The following SLCO6A1 variants were observed in gnomAD, a reference collection of about 807,000 sequenced individuals.
The protein encoded by SLCO6A1 is cancer/testis antigen 48.
Under a neutral mutation model 72.7 loss-of-function variants are expected in SLCO6A1, and 65 were observed. The ratio of observed to expected loss-of-function variants is 0.89; its 90% CI spans 0.73 to 1.10. The LOEUF (loss-of-function observed/expected upper bound fraction) is 1.10. Ranked by LOEUF, SLCO6A1 falls within the 50% of genes least tolerant of loss-of-function variation. The probability of loss-of-function intolerance (pLI) is 0.00; values close to 1 mark genes in which losing one functional copy is unlikely to be tolerated. For missense variants in SLCO6A1, 874 were observed against 872.6 expected (o/e 1.00, Z -0.02); for synonymous variants, 314 against 298.2 (o/e 1.05, Z -0.55).
At chr5:102,388,234 T>C (rs1370756059) in intron 12 of SLCO6A1, among the ~76,000 whole-genome samples, 1 of 152,202 alleles carries the variant, frequency 6.6e-6, no homozygotes, top group Admixed American at 6.5e-5. Context: ...CATTCTTTAT[T>C]TGGGAACTAT....
intron 9 of SLCO6A1, among the ~76,000 whole-genome samples, chr5:102,402,340 C>T (rs549272879): frequency 6.6e-6 from 1 of 152,182 alleles, no homozygotes; most frequent in South Asian, 2.1e-4. Flanking sequence ...CTAAAATCCT[C>T]AAGGAATGGG....
chr5:102,416,776 C>T (rs527359812), intron 8 of SLCO6A1, among the ~76,000 whole-genome samples: 174 of 152,144 alleles, frequency 1.1e-3, no homozygotes, highest in Non-Finnish European at 1.7e-3. Flanking sequence ...TTTTGCAATC[C>T]GGAATATGCT....
intron 8 of SLCO6A1, among the ~76,000 whole-genome samples, chr5:102,416,340 T>C (rs1324666995): frequency 2.0e-5 from 3 of 151,984 alleles, no homozygotes; most frequent in African/African-American, 7.2e-5. Flanking sequence ...AAAAATGTGA[T>C]ATATAAATAT....
rs1490631356 is a variant in SLCO6A1 at position 102,498,652 on chromosome 5, G to T, written c.193C>A (p.Arg65=). 6.2e-7 allele frequency: 1 copy of T among 1,614,058 alleles called. No homozygotes were observed. Among genetic ancestry groups the T allele is most frequent in the South Asian group, 1.1e-5 (1 of 91,082 alleles). ...GAGGACTTGGCTTTTTTCCTTTTTC[G>T]GAAACCGCCGAACCTTATCAAGGCC... ...PEALIRFGGF[R]KRKKAKSSVS... Residue 65 remains arginine, a synonymous_variant, in exon 1 of 14, where the codon CGA becomes AGA. Transcript: ENST00000506729.
intron 6 of SLCO6A1, among the ~76,000 whole-genome samples, chr5:102,449,948 T>C (rs1019433841): frequency 6.6e-6 from 1 of 152,246 alleles, no homozygotes; most frequent in African/African-American, 2.4e-5. Context: ...AATTATGTCA[T>C]GAAATTCTTG....
At chr5:102,408,745 C>A (rs1414001151) in intron 9 of SLCO6A1, among the ~76,000 whole-genome samples, 1 of 151,774 alleles carries the variant, frequency 6.6e-6, no homozygotes, top group African/African-American at 2.4e-5. Context: ...AAATAAAAGT[C>A]AATATTGATT....
chr5:102,378,706 T>G (rs1012991964), intron 12 of SLCO6A1, among the ~76,000 whole-genome samples: 1 of 152,172 alleles, frequency 6.6e-6, no homozygotes, highest in Non-Finnish European at 1.5e-5. Context: ...GTTCTTTTCA[T>G]TTTCATTGTT....
intron 12 of SLCO6A1, among the ~76,000 whole-genome samples, chr5:102,385,958 C>T (rs1413301514): frequency 6.6e-6 from 1 of 151,650 alleles, no homozygotes; most frequent in Admixed American, 6.6e-5. Flanking sequence ...TACAAATACA[C>T]AACACCACAC....
intron 10 of SLCO6A1, among the ~76,000 whole-genome samples, chr5:102,396,338 G>T (rs1747082269): frequency 6.6e-6 from 1 of 152,092 alleles, no homozygotes; most frequent in African/African-American, 2.4e-5. Flanking sequence ...GTTTGTCAAA[G>T]ATCAGATGGT....
At chr5:102,391,212 C>T in intron 10 of SLCO6A1, 167 bp from the exon 11 acceptor site, 1 of 605,050 alleles carries the variant, frequency 1.7e-6, no homozygotes, top group Non-Finnish European at 2.9e-6. Context: ...CTACAACTCC[C>T]CATTTCTCCA....
rs552649712 is a variant in SLCO6A1, at chr5:102,416,720, C to T, written c.1472+3106G>A. Among the ~76,000 whole-genome samples, 20 of 151,720 alleles carry T rather than the reference C, an allele frequency of 1.3e-4. No individual in the cohort carries two copies. In the South Asian group the frequency reaches 4.2e-3, roughly 32 times the overall value. ...GTAACAAAATTGCAATCATACCCCA[C>T]AAATTTATGTAAATAAAAAATATAT... On this transcript the variant is annotated intron_variant, in intron 8 of 13. Coordinates refer to ENST00000506729, the MANE Select transcript of SLCO6A1 (RefSeq NM_173488.5).
intron 6 of SLCO6A1, among the ~76,000 whole-genome samples, chr5:102,440,205 G>A (rs1165173309): frequency 1.3e-5 from 2 of 152,092 alleles, no homozygotes; most frequent in African/African-American, 4.8e-5. Context: ...TCCAGACTTT[G>A]ATCACTCTAG....
chr5:102,470,397 T>G (rs1029335830), intron 4 of SLCO6A1, among the ~76,000 whole-genome samples: 4 of 152,188 alleles, frequency 2.6e-5, no homozygotes, highest in African/African-American at 7.2e-5. Flanking sequence ...GGAGGGTGTA[T>G]GTCTCCAGGA....
At chr5:102,417,360 G>A (rs1414032856) in intron 8 of SLCO6A1, among the ~76,000 whole-genome samples, 1 of 150,564 alleles carries the variant, frequency 6.6e-6, no homozygotes, top group African/African-American at 2.4e-5. Context: ...AATATGGTTA[G>A]GTTTAAATCT....
In SLCO6A1 at chr5:102,412,307, C is replaced by G. The variant is rs575913886; in HGVS notation, c.1626+683G>C. ...CCACCTTGAGCACACGTTCTCAGGA[C>G]CTCCCAAGGTGTCACAGGCCATGGT... On this transcript the variant is annotated intron_variant, in intron 9 of 13. Transcript: ENST00000506729. Among the ~76,000 whole-genome samples the G allele has an allele frequency of 2.0e-5, 3 of 152,226 alleles. No individual in the cohort carries two copies. In the South Asian group the frequency reaches 6.2e-4, roughly 32 times the overall value.
At chr5:102,419,679 A>C in intron 8 of SLCO6A1, 147 bp downstream of exon 8, 1 of 638,100 alleles carries the variant, frequency 1.6e-6, no homozygotes, top group Non-Finnish European at 2.5e-6. Flanking sequence ...TGAAAATTTA[A>C]ACTGTACTTT....
intron 7 of SLCO6A1, among the ~76,000 whole-genome samples, chr5:102,426,028 C>T (rs901278742): frequency 1.3e-5 from 2 of 152,174 alleles, no homozygotes; most frequent in African/African-American, 4.8e-5. Flanking sequence ...AAATGGTTCC[C>T]TATTTTATAA....
At chr5:102,379,790 AT>A (rs1345197845) in intron 12 of SLCO6A1, among the ~76,000 whole-genome samples, 15 of 147,164 alleles carry the variant, frequency 1.0e-4, no homozygotes, top group African/African-American at 3.3e-4. Context: ...AAAAAAAAAA[AT>A]TTCTCTTGGG....
At chr5:102,416,478 A>G (rs1374946152) in intron 8 of SLCO6A1, among the ~76,000 whole-genome samples, 1 of 152,184 alleles carries the variant, frequency 6.6e-6, no homozygotes, top group African/African-American at 2.4e-5. Context: ...AGCCAGACAC[A>G]GACAGACAAA....
Sources: gnomAD v4.1 joint callset for allele counts (sites outside exome capture counted in the v4.1 genomes callset) on GRCh38, gnomAD v4.1.1 for gene constraint, MANE v1.5 for transcripts, NCBI Gene and HGNC (gene_info 2026-07-23, HGNC 2026-07-21) for gene names.